HS3ST5: variants seen among roughly 807,000 people sequenced by gnomAD.
HS3ST5 encodes heparan sulfate-glucosamine 3-sulfotransferase 5.
Under a neutral mutation model 25.4 loss-of-function variants are expected in HS3ST5, and 10 were observed. That is an observed-to-expected ratio of 0.39 (90% CI 0.24 to 0.67). The LOEUF (loss-of-function observed/expected upper bound fraction) is 0.67, where lower values mean the gene tolerates loss of function less well. HS3ST5 is among the 30% of genes least tolerant of loss of function. The pLI is 0.44. For missense variants in HS3ST5, 324 were observed against 420.7 expected (o/e 0.77, Z 2.01); for synonymous variants, 170 against 162.4 (o/e 1.05, Z -0.36).
At chr6:114,324,550 TTC>T (rs1428440403) in intron 1 of HS3ST5, among the ~76,000 whole-genome samples, 1 of 152,194 alleles carries the variant, frequency 6.6e-6, no homozygotes, top group African/African-American at 2.4e-5. Flanking sequence ...GTGGGATGTA[TTC>T]TCTGTTTTCT....
At chr6:114,065,918 C>T (rs543951516) in intron 3 of HS3ST5, among the ~76,000 whole-genome samples, 3 of 152,318 alleles carry the variant, frequency 2.0e-5, no homozygotes, top group East Asian at 1.9e-4. Context: ...CACAATGCTT[C>T]GTCCACTTTC....
intron 1 of HS3ST5, among the ~76,000 whole-genome samples, chr6:114,259,751 T>A (rs886066470): frequency 1.3e-5 from 2 of 152,110 alleles, no homozygotes; most frequent in East Asian, 3.9e-4. Flanking sequence ...TATATACAGA[T>A]ACAGAAGAGA....
intron 3 of HS3ST5, among the ~76,000 whole-genome samples, chr6:114,159,469 T>C (rs1778840239): frequency 6.6e-6 from 1 of 152,206 alleles, no homozygotes; most frequent in Non-Finnish European, 1.5e-5. Flanking sequence ...TGCCAAGTTA[T>C]GACTATGTTT....
intron 3 of HS3ST5, among the ~76,000 whole-genome samples, chr6:114,093,603 C>T (rs1169137650): frequency 1.3e-5 from 2 of 152,014 alleles, no homozygotes; most frequent in Admixed American, 1.3e-4. Flanking sequence ...CATCTTTCTC[C>T]TTTTCTTTTC....
intron 2 of HS3ST5, among the ~76,000 whole-genome samples, chr6:114,169,506 G>C (rs916164289): frequency 6.6e-6 from 1 of 152,076 alleles, no homozygotes; most frequent in Admixed American, 6.6e-5. Flanking sequence ...AAATCAGAGA[G>C]AGAGTAGAAA....
intron 3 of HS3ST5, among the ~76,000 whole-genome samples, chr6:114,104,974 GA>G (rs1035985765): frequency 8.9e-5 from 13 of 146,218 alleles, no homozygotes; most frequent in Admixed American, 4.7e-4. Flanking sequence ...ACAGAAAAAG[GA>G]AAAAAAAAAG....
At chr6:114,325,810 C>A (rs1776150649) in intron 1 of HS3ST5, among the ~76,000 whole-genome samples, 1 of 152,024 alleles carries the variant, frequency 6.6e-6, no homozygotes, top group African/African-American at 2.4e-5. Context: ...ATTTTCAGAC[C>A]CTTTTCCCTC....
chr6:114,341,220 G>GGGGAGA (rs1185545536), intron 1 of HS3ST5, among the ~76,000 whole-genome samples: 1 of 33,336 alleles, frequency 3.0e-5, no homozygotes, highest in Non-Finnish European at 5.9e-5. Context: ...AGGGAGAGAG[G>GGGGAGA]GGGAGAGAGA....
At chr6:114,109,679 G>C (rs892234413) in intron 3 of HS3ST5, among the ~76,000 whole-genome samples, 3 of 152,208 alleles carry the variant, frequency 2.0e-5, no homozygotes, top group Admixed American at 1.3e-4. Context: ...CTGTTCATGA[G>C]AGGTGTAGAT....
At chr6:114,195,641 T>A (rs1257892932) in intron 2 of HS3ST5, among the ~76,000 whole-genome samples, 1 of 152,136 alleles carries the variant, frequency 6.6e-6, no homozygotes, top group Non-Finnish European at 1.5e-5. Context: ...ACTGATAATA[T>A]CATTTGTTAA....
At chr6:114,209,060 A>G (rs1030668141) in intron 2 of HS3ST5, among the ~76,000 whole-genome samples, 8 of 152,186 alleles carry the variant, frequency 5.3e-5, no homozygotes, top group Non-Finnish European at 1.2e-4. Flanking sequence ...ATTTTAGTTT[A>G]GTTAAATTGG....
intron 2 of HS3ST5, among the ~76,000 whole-genome samples, chr6:114,203,154 C>T (rs1440091722): frequency 6.6e-6 from 1 of 152,190 alleles, no homozygotes; most frequent in African/African-American, 2.4e-5. Flanking sequence ...CAAGGGAAAC[C>T]TCCCCTTTTC....
chr6:114,233,707 C>T (rs149257886), intron 1 of HS3ST5, among the ~76,000 whole-genome samples: 2,100 of 152,200 alleles, frequency 0.014, 36 homozygotes, highest in South Asian at 0.044. Context: ...TAACTAAGAG[C>T]TGAAGTCTTT....
At chr6:114,061,542 GA>G (rs1453594811) in intron 4 of HS3ST5, among the ~76,000 whole-genome samples, 3 of 152,154 alleles carry the variant, frequency 2.0e-5, no homozygotes, top group African/African-American at 7.2e-5. Flanking sequence ...ATTTTGGAAG[GA>G]AAAGAAAACT....
At chr6:114,326,324 A>T (rs1776173976) in intron 1 of HS3ST5, among the ~76,000 whole-genome samples, 1 of 152,130 alleles carries the variant, frequency 6.6e-6, no homozygotes, top group Admixed American at 6.6e-5. Flanking sequence ...TGGGAGATGG[A>T]GTTTGCAGTG....
At position 114,071,335 on chromosome 6, in the gene HS3ST5, C is replaced by G. The variant is rs193242203; in HGVS notation, c.-32-8458G>C. Among the ~76,000 whole-genome samples the G allele has an allele frequency of 1.4e-4, 21 of 152,290 alleles. No homozygotes were observed. The East Asian group carries it at 2.9e-3, about 21-fold the overall frequency. On this transcript the variant is annotated intron_variant, in intron 3 of 4. Transcript: ENST00000312719. ...TGGATGCTTGCTCTCCCTCCCAGGC[C>G]TTGGTTTAATTCCTATGTTTTAGAT...
intron 1 of HS3ST5, among the ~76,000 whole-genome samples, chr6:114,306,733 A>T (rs759314018): frequency 6.6e-6 from 1 of 152,184 alleles, no homozygotes; most frequent in African/African-American, 2.4e-5. Context: ...ATGAAAGTGT[A>T]TCAAGTGCTT....
intron 2 of HS3ST5, among the ~76,000 whole-genome samples, chr6:114,180,822 G>C (rs888001140): frequency 1.3e-5 from 2 of 152,146 alleles, no homozygotes; most frequent in African/African-American, 2.4e-5. Flanking sequence ...CTGAGGTATG[G>C]TTTTAACATA....
chr6:114,339,504 T>G (rs1480722614), intron 1 of HS3ST5, among the ~76,000 whole-genome samples: 1 of 150,216 alleles, frequency 6.7e-6, no homozygotes, highest in Non-Finnish European at 1.5e-5. Flanking sequence ...TCTGAGATTG[T>G]AAAAATAAAG....
Sources: gnomAD v4.1 joint callset for allele counts (sites outside exome capture counted in the v4.1 genomes callset) on GRCh38, gnomAD v4.1.1 for gene constraint, MANE v1.5 for transcripts, NCBI Gene and HGNC (gene_info 2026-07-23, HGNC 2026-07-21) for gene names.